SFMBT2: variants seen among roughly 807,000 people sequenced by gnomAD.
The protein encoded by SFMBT2 is Scm like with four mbt domains 2, also known as scm-like with four MBT domains protein 2.
In SFMBT2, 38 loss-of-function variants were observed where a neutral mutation model predicts 110.1. The ratio of observed to expected loss-of-function variants is 0.35; its 90% CI spans 0.27 to 0.45. SFMBT2 has a LOEUF of 0.45. SFMBT2 is among the 20% of genes least tolerant of loss of function. SFMBT2 has a pLI of 1.00. For synonymous variants in SFMBT2, 425 were observed against 425.4 expected (o/e 1.00, Z 0.01); for missense variants, 1,011 against 1,094.9 (o/e 0.92, Z 1.08).
At chr10:7,332,822 A>T (rs541562236) in intron 4 of SFMBT2, among the ~76,000 whole-genome samples, 12 of 152,366 alleles carry the variant, frequency 7.9e-5, no homozygotes, top group Non-Finnish European at 1.6e-4. Flanking sequence ...GGAACTCAGA[A>T]TAGGCCAAAG....
intron 7 of SFMBT2, among the ~76,000 whole-genome samples, chr10:7,265,790 G>T (rs1841367154): frequency 6.6e-6 from 1 of 151,906 alleles, no homozygotes; most frequent in Non-Finnish European, 1.5e-5. Context: ...TTAATTTTTG[G>T]ACTTATATCC....
chr10:7,325,787 G>A (rs377499860), intron 4 of SFMBT2, among the ~76,000 whole-genome samples: 6 of 152,090 alleles, frequency 3.9e-5, no homozygotes, highest in African/African-American at 1.2e-4. Flanking sequence ...ATCGGGTAAC[G>A]GTTTACTCTT....
chr10:7,380,372 C>G (rs1271625296), intron 2 of SFMBT2, among the ~76,000 whole-genome samples: 1 of 152,208 alleles, frequency 6.6e-6, no homozygotes, highest in Non-Finnish European at 1.5e-5. Context: ...CACAGTAAGG[C>G]CTTCCCTCAT....
At chr10:7,385,981 G>C (rs1484449819) in intron 1 of SFMBT2, among the ~76,000 whole-genome samples, 1 of 151,880 alleles carries the variant, frequency 6.6e-6, no homozygotes, top group South Asian at 2.1e-4. Context: ...GCCTGGGGGA[G>C]AGAGACTCTG....
chr10:7,316,899 CAT>C (rs1453662304), intron 4 of SFMBT2, among the ~76,000 whole-genome samples: 3 of 145,886 alleles, frequency 2.1e-5, no homozygotes, highest in South Asian at 2.2e-4. Context: ...CACACACACA[CAT>C]GCAAACCACA....
chr10:7,352,328 A>AACAGACCTCTAAAAATC (rs1433357424), intron 4 of SFMBT2, among the ~76,000 whole-genome samples: 2 of 152,184 alleles, frequency 1.3e-5, no homozygotes, highest in Non-Finnish European at 2.9e-5. Flanking sequence ...AATGTATAGC[A>AACAGACCTCTAAAAATC]TAAAGATATT....
chr10:7,303,734 T>C (rs1197881529), intron 4 of SFMBT2, among the ~76,000 whole-genome samples: 2 of 152,200 alleles, frequency 1.3e-5, no homozygotes, highest in South Asian at 4.1e-4. Context: ...AAAATTCTTA[T>C]TTCTTTAGAA....
chr10:7,261,458 A>G (rs998713908), intron 7 of SFMBT2, among the ~76,000 whole-genome samples: 1 of 152,222 alleles, frequency 6.6e-6, no homozygotes, highest in African/African-American at 2.4e-5. Flanking sequence ...ATGCTCAGCA[A>G]TGACTGAGGA....
At chr10:7,310,619 C>T (rs1342306850) in intron 4 of SFMBT2, among the ~76,000 whole-genome samples, 1 of 152,188 alleles carries the variant, frequency 6.6e-6, no homozygotes, top group Non-Finnish European at 1.5e-5. Context: ...TCTGATTTTT[C>T]CTCTTCCTAA....
rs761703647 is a variant in SFMBT2 at position 7,163,827 on chromosome 10, C to T, written c.2628G>A (p.Lys876=). ...TGACTCTCTCGATCTGGTGGCATAA[C>T]TTGATGGCAGGCCCCAGCTTCAGCT... The part of the protein sequence containing the change: ...CMELKLGPAI[K]LCHQIERVKV... Residue 876 remains lysine, a synonymous_variant, in exon 21 of 21, where the codon AAG becomes AAA. Coordinates refer to ENST00000397167, the MANE Select transcript of SFMBT2 (RefSeq NM_001387889.1). This position sits in a 1 kb window ranked among gnomAD's most constrained non-coding sequence, Gnocchi z 4.8. 3.1e-6 allele frequency: 5 copies of T among 1,614,226 alleles called. No individual in the cohort carries two copies. The Admixed American group carries it at 5.0e-5, about 16-fold the overall frequency.
chr10:7,207,536 G>A (rs1839192776), intron 11 of SFMBT2: 1 of 346,776 alleles, frequency 2.9e-6, no homozygotes, highest in African/African-American at 2.8e-5. Context: ...GAGGGAGGAA[G>A]GAAGGAAGGA....
chr10:7,171,462 C>T lies in SFMBT2; in HGVS notation c.2416-406G>A, dbSNP rs1837869308. 1.0e-6 allele frequency: 1 copy of T among 985,326 alleles called. No homozygotes were observed. Among genetic ancestry groups the T allele is most frequent in the Admixed American group, 6.1e-5 (1 of 16,264 alleles). 61.0% of individuals were successfully genotyped at this position (985,326 alleles called of 1,614,324 possible). ...CCAGTGGCCCTTTCTGCTGATCTCACACCACCCATGGGGCTAGGGGAGACC... is the reference window on the plus strand; with the variant it reads ...CCAGTGGCCCTTTCTGCTGATCTCATACCACCCATGGGGCTAGGGGAGACC... On this transcript the variant is annotated intron_variant, in intron 19 of 20. Transcript: ENST00000397167. This position sits in a 1 kb window ranked among gnomAD's most constrained non-coding sequence, Gnocchi z 4.9.
intron 10 of SFMBT2, among the ~76,000 whole-genome samples, chr10:7,221,093 T>C (rs1839718476): frequency 6.6e-6 from 1 of 151,346 alleles, no homozygotes. Flanking sequence ...CCCAAAGTGC[T>C]GGGATTACAG....
chr10:7,218,435 T>C (rs963450879), intron 11 of SFMBT2, among the ~76,000 whole-genome samples: 3 of 152,266 alleles, frequency 2.0e-5, no homozygotes, highest in African/African-American at 7.2e-5. Flanking sequence ...CAGTATCTTT[T>C]GTAAGTAATG....
At chr10:7,258,154 A>C (rs61480038) in intron 7 of SFMBT2, among the ~76,000 whole-genome samples, 2,747 of 150,970 alleles carry the variant, frequency 0.018, 64 homozygotes, top group African/African-American at 0.062. Flanking sequence ...GCTGGTCTCA[A>C]ACTCCTGGGT....
At chr10:7,176,235 C>G (rs548968578) in intron 16 of SFMBT2, 70 bp from the exon 17 acceptor site, 1 of 1,473,160 alleles carries the variant, frequency 6.8e-7, no homozygotes. Context: ...CTGTACCACA[C>G]ATTCCGAAGG....
intron 4 of SFMBT2, among the ~76,000 whole-genome samples, chr10:7,289,286 T>C (rs1842194388): frequency 6.6e-6 from 1 of 152,256 alleles, no homozygotes; most frequent in Non-Finnish European, 1.5e-5. Flanking sequence ...CACAGACGTC[T>C]ATATCCACTA....
intron 16 of SFMBT2, among the ~76,000 whole-genome samples, chr10:7,182,543 A>G (rs1164331806): frequency 6.6e-6 from 1 of 152,162 alleles, no homozygotes; most frequent in Non-Finnish European, 1.5e-5. Flanking sequence ...AGCCATAAAA[A>G]ATGATGAGTT....
At chr10:7,362,083 CCAAAA>C (rs1482076014) in intron 4 of SFMBT2, among the ~76,000 whole-genome samples, 1 of 152,170 alleles carries the variant, frequency 6.6e-6, no homozygotes, top group Non-Finnish European at 1.5e-5. Flanking sequence ...ATTTACTAAA[CCAAAA>C]CGTTTTACAT....
Sources: gnomAD v4.1 joint callset for allele counts (sites outside exome capture counted in the v4.1 genomes callset) on GRCh38, gnomAD v4.1.1 for gene constraint, Gnocchi (gnomAD v3.1) non-coding constraint, MANE v1.5 for transcripts, NCBI Gene and HGNC (gene_info 2026-07-23, HGNC 2026-07-21) for gene names.